ATP10B: variants seen among roughly 807,000 people sequenced by gnomAD.
The protein encoded by ATP10B is phospholipid-transporting ATPase VB.
In ATP10B, 122 loss-of-function variants were observed where a neutral mutation model predicts 141.2. That is an observed-to-expected ratio of 0.86 (90% CI 0.75 to 1.00). ATP10B has a LOEUF of 1.00. Among genes scored for constraint, ATP10B ranks in the 50% least tolerant of loss-of-function variants. The probability of loss-of-function intolerance (pLI) is 0.00; values close to 1 mark genes in which losing one functional copy is unlikely to be tolerated. For missense variants in ATP10B, 1,876 were observed against 1,825.3 expected (o/e 1.03, Z -0.51); for synonymous variants, 685 against 692.0 (o/e 0.99, Z 0.16).
intron 24 of ATP10B, among the ~76,000 whole-genome samples, chr5:160,575,593 AATG>A (rs921409485): frequency 7.9e-5 from 12 of 152,182 alleles, no homozygotes; most frequent in Non-Finnish European, 1.8e-4. Context: ...CACTGGATTA[AATG>A]ATGATTAAAA....
intron 3 of ATP10B, among the ~76,000 whole-genome samples, chr5:160,697,222 A>C (rs1472865364): frequency 6.6e-6 from 1 of 152,206 alleles, no homozygotes; most frequent in Non-Finnish European, 1.5e-5. Context: ...CAGAAAACAG[A>C]AATTGCCATT....
the ATP10B span, among the ~76,000 whole-genome samples, chr5:160,923,232 C>T: frequency 2.0e-5 from 3 of 152,120 alleles, no homozygotes; most frequent in East Asian, 1.9e-4. Flanking sequence ...ACTGTGCACA[C>T]GAGAAACACT....
At chr5:160,619,395 C>T (rs1218874821) in intron 15 of ATP10B, among the ~76,000 whole-genome samples, 18 of 152,196 alleles carry the variant, frequency 1.2e-4, no homozygotes, top group Admixed American at 1.2e-3. Flanking sequence ...AAAGAGACAT[C>T]TCCAGGGCAG....
chr5:160,889,217 A>G, the ATP10B span, among the ~76,000 whole-genome samples: 2 of 152,136 alleles, frequency 1.3e-5, no homozygotes, highest in Admixed American at 1.3e-4. Context: ...CAGCCTTCCA[A>G]CATTCCTCAT....
chr5:160,844,109 A>G (rs554394862), intron 1 of ATP10B, among the ~76,000 whole-genome samples: 5 of 152,298 alleles, frequency 3.3e-5, no homozygotes, highest in African/African-American at 1.2e-4. Flanking sequence ...CATGGTGGGA[A>G]TGTAAATTGG....
At chr5:160,734,915 G>A (rs1302777139) in intron 2 of ATP10B, among the ~76,000 whole-genome samples, 1 of 151,890 alleles carries the variant, frequency 6.6e-6, no homozygotes, top group African/African-American at 2.4e-5. Context: ...TGCAAACAGT[G>A]TTGTTATCAG....
chr5:160,884,980 C>T, the ATP10B span, among the ~76,000 whole-genome samples: 1 of 152,304 alleles, frequency 6.6e-6, no homozygotes, highest in South Asian at 2.1e-4. Flanking sequence ...TCTTTTGCTG[C>T]AATAGAGCCA....
intron 13 of ATP10B, among the ~76,000 whole-genome samples, chr5:160,627,243 TA>T (rs1758657174): frequency 6.6e-6 from 1 of 152,166 alleles, no homozygotes; most frequent in Non-Finnish European, 1.5e-5. Flanking sequence ...GCACCTCTTC[TA>T]AGCTCCTATA....
intron 6 of ATP10B, among the ~76,000 whole-genome samples, chr5:160,683,882 T>C (rs1432093816): frequency 6.6e-6 from 1 of 152,230 alleles, no homozygotes; most frequent in Non-Finnish European, 1.5e-5. Flanking sequence ...TCTGTCTTCT[T>C]TCCTTGCCAA....
At position 160,653,447 on chromosome 5, in the gene ATP10B, G is replaced by C. The variant is rs185347530; in HGVS notation, c.676-4191C>G. On this transcript the variant is annotated intron_variant, in intron 7 of 25. Transcript: ENST00000327245. The stretch of plus-strand genomic sequence containing the variant: ...ATATACATATGTACATACATACATA[G>C]GTAGTATATATACATATGTACATAC... Among the ~76,000 whole-genome samples the C allele has an allele frequency of 1.1e-4, 5 of 44,454 alleles. 2 individuals are homozygous for C. The highest frequency in any genetic ancestry group is 5.4e-4 in the African/African-American group (5 of 9,208). 29.2% of individuals were successfully genotyped at this position (44,454 alleles called of 152,430 possible). A position where few individuals can be genotyped will look rare whatever the true frequency, so the allele number is the denominator to read the frequency against.
intron 3 of ATP10B, among the ~76,000 whole-genome samples, chr5:160,698,330 T>C (rs1764488610): frequency 6.6e-6 from 1 of 152,182 alleles, no homozygotes; most frequent in African/African-American, 2.4e-5. Context: ...TTAAATATTT[T>C]TCAAATCCAT....
chr5:160,599,121 G>A (rs1756931853), intron 21 of ATP10B, 151 bp from the exon 22 acceptor site: 5 of 646,418 alleles, frequency 7.7e-6, no homozygotes, highest in Admixed American at 5.6e-5. Context: ...TCTAATCCTC[G>A]GAGCAGTAGC....
At chr5:160,766,362 A>G (rs994804857) in intron 2 of ATP10B, among the ~76,000 whole-genome samples, 151 of 102,446 alleles carry the variant, frequency 1.5e-3, no homozygotes, top group African/African-American at 5.6e-3. Flanking sequence ...ACACACACAC[A>G]CACACACACA....
At chr5:160,826,077 G>T (rs1482038969) in intron 1 of ATP10B, among the ~76,000 whole-genome samples, 1 of 152,098 alleles carries the variant, frequency 6.6e-6, no homozygotes, top group Non-Finnish European at 1.5e-5. Context: ...ACCTAGGTTG[G>T]TTCCATGTCT....
chr5:160,606,153 T>C (rs1053796759), intron 19 of ATP10B, among the ~76,000 whole-genome samples: 1 of 152,314 alleles, frequency 6.6e-6, no homozygotes, highest in Middle Eastern at 3.4e-3. Flanking sequence ...TTAAACCAGG[T>C]TTGGTTGTTC....
At chr5:160,918,746 C>T in the ATP10B span, among the ~76,000 whole-genome samples, 8 of 152,196 alleles carry the variant, frequency 5.3e-5, no homozygotes, top group African/African-American at 1.9e-4. Flanking sequence ...GTCCACCAGC[C>T]AAGGGAAATT....
chr5:160,647,202 G>T (rs1760350977), intron 8 of ATP10B, among the ~76,000 whole-genome samples: 1 of 152,184 alleles, frequency 6.6e-6, no homozygotes, highest in Non-Finnish European at 1.5e-5. Context: ...CAGCCTCAGG[G>T]AGCTTCTAAA....
chr5:160,745,318 C>A (rs545827253), intron 2 of ATP10B, among the ~76,000 whole-genome samples: 5 of 152,266 alleles, frequency 3.3e-5, no homozygotes, highest in Admixed American at 2.6e-4. Flanking sequence ...GACTAAATAT[C>A]ATTCAGTATT....
At chr5:160,592,405 G>A (rs887007438) in intron 22 of ATP10B, among the ~76,000 whole-genome samples, 3 of 152,146 alleles carry the variant, frequency 2.0e-5, no homozygotes, top group African/African-American at 7.2e-5. Context: ...ATATTAATGT[G>A]TGATATAATT....
Sources: allele counts gnomAD v4.1 joint callset (sites outside exome capture counted in the v4.1 genomes callset), GRCh38; gene constraint gnomAD v4.1.1; transcripts MANE v1.5; gene names NCBI Gene and HGNC (gene_info 2026-07-23, HGNC 2026-07-21).